The following UBE3D variants were observed in gnomAD, a reference collection of about 807,000 sequenced individuals.
UBE3D encodes the protein E3 ubiquitin-protein ligase E3D.
UBE3D carries 48 observed loss-of-function variants against 49.6 expected under a neutral mutation model. That is an observed-to-expected ratio of 0.97 (90% CI 0.77 to 1.23). The LOEUF (loss-of-function observed/expected upper bound fraction) is 1.23. Ranked by LOEUF, UBE3D falls within the 50% of genes most tolerant of loss-of-function variation. The pLI, the probability that UBE3D is intolerant of heterozygous loss-of-function variation, is 0.00. For missense variants in UBE3D, 452 were observed against 468.4 expected (o/e 0.96, Z 0.32); for synonymous variants, 189 against 174.2 (o/e 1.08, Z -0.67).
chr6:82,903,180 T>G (rs1194059872), intron 9 of UBE3D, among the ~76,000 whole-genome samples: 1 of 152,078 alleles, frequency 6.6e-6, no homozygotes, highest in Non-Finnish European at 1.5e-5. Context: ...AGAGATGCGG[T>G]CTTACTTTGT....
intron 9 of UBE3D, among the ~76,000 whole-genome samples, chr6:82,926,918 G>A (rs565891957): frequency 3.9e-5 from 6 of 151,980 alleles, no homozygotes; most frequent in Non-Finnish European, 8.8e-5. Flanking sequence ...TATCTAAAAA[G>A]TCATCATCAG....
intron 8 of UBE3D, among the ~76,000 whole-genome samples, chr6:82,981,851 T>G (rs1778139927): frequency 6.6e-6 from 1 of 152,142 alleles, no homozygotes; most frequent in Non-Finnish European, 1.5e-5. Context: ...CACAAAGTAG[T>G]AATGTATATA....
At chr6:82,984,864 G>A (rs1334600014) in intron 8 of UBE3D, among the ~76,000 whole-genome samples, 1 of 152,058 alleles carries the variant, frequency 6.6e-6, no homozygotes, top group East Asian at 1.9e-4. Flanking sequence ...CCTGGCTGGA[G>A]TTCAGTGGTG....
At chr6:82,979,797 A>G (rs910945084) in intron 8 of UBE3D, among the ~76,000 whole-genome samples, 2 of 152,046 alleles carry the variant, frequency 1.3e-5, no homozygotes, top group African/African-American at 4.8e-5. Context: ...CTCTATGTCC[A>G]TGTACACACA....
At chr6:83,017,782 A>T (rs1167780715) in intron 8 of UBE3D, 1 of 152,154 alleles carries the variant, frequency 6.6e-6, no homozygotes, top group Non-Finnish European at 1.5e-5. Flanking sequence ...AATATAAAAA[A>T]CTTATAATCA....
intron 8 of UBE3D, among the ~76,000 whole-genome samples, chr6:82,975,146 T>A (rs1266862408): frequency 6.6e-6 from 1 of 152,158 alleles, no homozygotes; most frequent in Non-Finnish European, 1.5e-5. Context: ...TATGAGTTCA[T>A]CTCTTTATTA....
At chr6:83,027,660 A>AT (rs1309411057) in intron 5 of UBE3D, among the ~76,000 whole-genome samples, 1 of 151,782 alleles carries the variant, frequency 6.6e-6, no homozygotes, top group Non-Finnish European at 1.5e-5. Flanking sequence ...GCACTCTGTC[A>AT]TTTTTTCTTT....
chr6:82,886,526 G>A, the UBE3D span, among the ~76,000 whole-genome samples: 1 of 152,162 alleles, frequency 6.6e-6, no homozygotes, highest in Non-Finnish European at 1.5e-5. Context: ...GACCCCTGAT[G>A]TAGAGAACAT....
At chr6:82,994,693 G>C (rs1779121838) in intron 8 of UBE3D, among the ~76,000 whole-genome samples, 1 of 152,172 alleles carries the variant, frequency 6.6e-6, no homozygotes, top group South Asian at 2.1e-4. Flanking sequence ...GTTTTTGAAG[G>C]CAGAGTGAAT....
chr6:83,012,816 A>C (rs1269409207), intron 8 of UBE3D, among the ~76,000 whole-genome samples: 1 of 152,204 alleles, frequency 6.6e-6, no homozygotes, highest in African/African-American at 2.4e-5. Context: ...TACTGCTCCA[A>C]GTTCTGCCCA....
At chr6:82,930,569 T>A (rs753738380) in intron 9 of UBE3D, among the ~76,000 whole-genome samples, 2 of 152,138 alleles carry the variant, frequency 1.3e-5, no homozygotes, top group Non-Finnish European at 2.9e-5. Flanking sequence ...CTGATAGTGA[T>A]ATGGACAATG....
At chr6:83,044,382 C>T in intron 4 of UBE3D, 46 bp downstream of exon 4, 1 of 1,585,072 alleles carries the variant, frequency 6.3e-7, no homozygotes, top group Non-Finnish European at 8.7e-7. Flanking sequence ...AAGTCAGTAT[C>T]TAAGACAGCC....
chr6:82,972,037 T>C (rs1777390539), intron 8 of UBE3D, among the ~76,000 whole-genome samples: 1 of 152,284 alleles, frequency 6.6e-6, no homozygotes, highest in East Asian at 1.9e-4. Flanking sequence ...AAACCACATC[T>C]GGTTTCAGCA....
intron 5 of UBE3D, among the ~76,000 whole-genome samples, chr6:83,033,497 G>C (rs1782026449): frequency 6.6e-6 from 1 of 152,056 alleles, no homozygotes; most frequent in African/African-American, 2.4e-5. Flanking sequence ...ATGGCGGTGG[G>C]TCCTTCATGA....
intron 9 of UBE3D, among the ~76,000 whole-genome samples, chr6:82,893,764 G>C (rs1158634180): frequency 6.6e-6 from 1 of 152,156 alleles, no homozygotes; most frequent in Admixed American, 6.6e-5. Context: ...TATTAGGCGT[G>C]AGCAACAGAA....
downstream of UBE3D, among the ~76,000 whole-genome samples, chr6:82,888,039 T>C (rs977987059): frequency 6.6e-6 from 1 of 152,108 alleles, no homozygotes; most frequent in Non-Finnish European, 1.5e-5. Context: ...TTCCTTTCTC[T>C]GGTTTCCAGT....
chr6:83,005,099 A>T (rs1262086522), intron 8 of UBE3D, among the ~76,000 whole-genome samples: 1 of 151,590 alleles, frequency 6.6e-6, no homozygotes, highest in Admixed American at 6.6e-5. Context: ...CTCATAAGGG[A>T]TTATTATCCA....
intron 5 of UBE3D, among the ~76,000 whole-genome samples, chr6:83,027,545 G>C (rs1307412402): frequency 6.6e-6 from 1 of 151,002 alleles, no homozygotes; most frequent in Non-Finnish European, 1.5e-5. Context: ...AATTCTTGAA[G>C]GAAATTTTCA....
At chr6:83,048,657 T>G (rs984110118) in intron 3 of UBE3D, among the ~76,000 whole-genome samples, 7 of 152,180 alleles carry the variant, frequency 4.6e-5, no homozygotes, top group Non-Finnish European at 8.8e-5. Context: ...CCTAGAACCA[T>G]CTACATAAGA....
Sources: gnomAD v4.1 joint callset for allele counts (sites outside exome capture counted in the v4.1 genomes callset) on GRCh38, gnomAD v4.1.1 for gene constraint, MANE v1.5 for transcripts, NCBI Gene and HGNC (gene_info 2026-07-23, HGNC 2026-07-21) for gene names.